Variants in EPRS1 observed in about 807,000 individuals in gnomAD.
EPRS1 encodes the protein glutamyl-prolyl-tRNA synthetase 1, also known as bifunctional glutamate/proline--tRNA ligase.
Under a neutral mutation model 188.3 loss-of-function variants are expected in EPRS1, and 107 were observed. The ratio of observed to expected loss-of-function variants is 0.57; its 90% CI spans 0.49 to 0.67. The LOEUF (loss-of-function observed/expected upper bound fraction) is 0.67. EPRS1 is among the 30% of genes least tolerant of loss of function. The probability of loss-of-function intolerance (pLI) is 0.00; values close to 1 mark genes in which losing one functional copy is unlikely to be tolerated. For synonymous variants in EPRS1, 596 were observed against 593.1 expected, an observed-to-expected ratio of 1.00 and a Z score of -0.07; for missense variants, 1,577 against 1,802.2, an observed-to-expected ratio of 0.88 and a Z score of 2.26.
chr1:219,971,795 T>TATGTATATATATATATATACACAC (rs140568859), intron 30 of EPRS1, among the ~76,000 whole-genome samples: 1 of 108,400 alleles, frequency 9.2e-6, no homozygotes, highest in African/African-American at 3.2e-5. Context: ...TATATATATA[T>TATGTATATATATATATATACACAC]ACATATACAC....
At chr1:220,012,404 T>A (rs1483840044) in intron 12 of EPRS1, among the ~76,000 whole-genome samples, 2 of 152,212 alleles carry the variant, frequency 1.3e-5, no homozygotes, top group African/African-American at 4.8e-5. Flanking sequence ...ACTTAGTTCA[T>A]TGCAGCTGTT....
At chr1:220,017,238 C>T (rs1661738096) in intron 12 of EPRS1, among the ~76,000 whole-genome samples, 1 of 151,934 alleles carries the variant, frequency 6.6e-6, no homozygotes. Flanking sequence ...GTAATAAATA[C>T]CAAAAGAACT....
Position 219,986,419 on chromosome 1 carries a change from T to C in EPRS1, c.3038+723A>G, listed in dbSNP as rs997606799. Among the ~76,000 whole-genome samples the C allele has an allele frequency of 2.0e-5, 3 of 152,186 alleles. No homozygotes were observed. In the South Asian group the frequency reaches 6.2e-4, roughly 32 times the overall value. ...CAGCAACATTACTGAATATCAATAA[T>C]TTCCCCCACTTGATCTGCGATGCCA... On this transcript the variant is annotated intron_variant, in intron 20 of 31. Coordinates refer to ENST00000366923, the MANE Select transcript of EPRS1 (RefSeq NM_004446.3).
chr1:219,983,529 T>G (rs1660940149), intron 21 of EPRS1, 131 bp from the exon 22 acceptor site: 2 of 638,186 alleles, frequency 3.1e-6, no homozygotes, highest in African/African-American at 3.7e-5. Context: ...ATGTGGGAGG[T>G]CATAATGGAA....
chr1:219,985,698 C>G (rs1234621069), intron 20 of EPRS1, among the ~76,000 whole-genome samples: 2 of 152,170 alleles, frequency 1.3e-5, no homozygotes, highest in Non-Finnish European at 2.9e-5. Context: ...AACCACCACG[C>G]CTGGCCTCAA....
At chr1:220,010,486 C>T (rs1661580495) in intron 13 of EPRS1, among the ~76,000 whole-genome samples, 1 of 152,092 alleles carries the variant, frequency 6.6e-6, no homozygotes, top group African/African-American at 2.4e-5. Context: ...AGATTTACTT[C>T]GATTAGTATC....
At chr1:220,004,198 TTTA>T (rs1661415208) in intron 16 of EPRS1, among the ~76,000 whole-genome samples, 1 of 152,062 alleles carries the variant, frequency 6.6e-6, no homozygotes, top group South Asian at 2.1e-4. Context: ...TGGTTAATTC[TTTA>T]TTTATAATTT....
chr1:220,041,553 TAGAC>T (rs1013425457), intron 1 of EPRS1, among the ~76,000 whole-genome samples: 15 of 152,034 alleles, frequency 9.9e-5, no homozygotes, highest in East Asian at 1.9e-4. Context: ...TTGATTAAGA[TAGAC>T]AGGCCAGGCG....
In EPRS1 at chr1:220,046,325, T is replaced by C. The variant is rs556440038; in HGVS notation, c.46+18A>G. On this transcript the variant is annotated intron_variant, in intron 1 of 31. Coordinates refer to ENST00000366923, the MANE Select transcript of EPRS1 (RefSeq NM_004446.3). Reference sequence around the variant, plus strand: ...TGGCTGATGCAACCCACACAGGTCATTGGTCTCGGCCCCTTACCTAGCGGA... The same window carrying C: ...TGGCTGATGCAACCCACACAGGTCACTGGTCTCGGCCCCTTACCTAGCGGA... The C allele has an allele frequency of 3.1e-5, 50 of 1,614,004 alleles. No individual in the cohort carries two copies. Among genetic ancestry groups the C allele is most frequent in the South Asian group, 3.0e-4 (27 of 91,078 alleles).
intron 12 of EPRS1, among the ~76,000 whole-genome samples, chr1:220,016,921 A>G (rs541600480): frequency 6.6e-6 from 1 of 152,240 alleles, no homozygotes; most frequent in Non-Finnish European, 1.5e-5. Flanking sequence ...TCATTCAGCA[A>G]TATAAGCAAC....
intron 10 of EPRS1, 149 bp from the exon 11 acceptor site, chr1:220,019,228 AGTGAGC>A: frequency 1.7e-6 from 1 of 586,172 alleles, no homozygotes; most frequent in Non-Finnish European, 3.0e-6. Context: ...ATGCAATACT[AGTGAGC>A]CCAAATTCAA....
At chr1:219,987,019 T>C in intron 20 of EPRS1, 123 bp downstream of exon 20, 2 of 1,008,972 alleles carry the variant, frequency 2.0e-6, no homozygotes, top group East Asian at 2.4e-5. Flanking sequence ...TCTGCTGACA[T>C]TGTAGCTTTA....
intron 6 of EPRS1, among the ~76,000 whole-genome samples, chr1:220,027,191 G>A (rs1661991805): frequency 6.6e-6 from 1 of 151,980 alleles, no homozygotes; most frequent in South Asian, 2.1e-4. Context: ...TTGGGAGGTC[G>A]AGGCAGGTGG....
At position 220,032,376 on chromosome 1, in the gene EPRS1, A is replaced by C. The variant is rs1228078455; in HGVS notation, c.528+11T>G. 1.3e-6 allele frequency: 2 copies of C among 1,574,040 alleles called. No individual in the cohort carries two copies. Among genetic ancestry groups the C allele is most frequent in the African/African-American group, 2.8e-5 (2 of 71,826 alleles). Reference sequence around the variant, plus strand: ...GTTTTTTTTTTTAAAAAAAAAGAAAAAAAGGCTTACCACTCGAGCTTTGGT... The same window carrying C: ...GTTTTTTTTTTTAAAAAAAAAGAAACAAAGGCTTACCACTCGAGCTTTGGT... On this transcript the variant is annotated intron_variant, in intron 5 of 31. Transcript: ENST00000366923.
At chr1:220,014,815 G>A (rs1661671447) in intron 12 of EPRS1, among the ~76,000 whole-genome samples, 1 of 152,120 alleles carries the variant, frequency 6.6e-6, no homozygotes, top group Admixed American at 6.6e-5. Flanking sequence ...TTAAACATAA[G>A]CAGATAACCA....
chr1:220,039,553 C>G (rs1182927925), intron 2 of EPRS1, among the ~76,000 whole-genome samples: 4 of 146,836 alleles, frequency 2.7e-5, no homozygotes, highest in Non-Finnish European at 5.9e-5. Context: ...GAGTCTAACT[C>G]TGTCACCCAG....
intron 13 of EPRS1, 62 bp downstream of exon 13, chr1:220,010,884 T>G (rs1322754623): frequency 6.3e-6 from 6 of 959,084 alleles, no homozygotes; most frequent in Non-Finnish European, 9.9e-6. Flanking sequence ...CACATTTTCC[T>G]TTTTATTTCC....
chr1:219,984,717 C>T (rs929823229), intron 20 of EPRS1, among the ~76,000 whole-genome samples: 1 of 152,120 alleles, frequency 6.6e-6, no homozygotes, highest in Non-Finnish European at 1.5e-5. Flanking sequence ...GCCACCATGC[C>T]TAGCCCCTAA....
At chr1:220,041,789 A>G (rs551946823) in intron 1 of EPRS1, among the ~76,000 whole-genome samples, 9 of 151,644 alleles carry the variant, frequency 5.9e-5, no homozygotes, top group Non-Finnish European at 1.0e-4. Context: ...GTGGCAAGCC[A>G]AGATTGCACT....
Sources: allele counts gnomAD v4.1 joint callset (sites outside exome capture counted in the v4.1 genomes callset), GRCh38; gene constraint gnomAD v4.1.1; transcripts MANE v1.5; gene names NCBI Gene and HGNC (gene_info 2026-07-23, HGNC 2026-07-21).